FKTN: variants seen among roughly 807,000 people sequenced by gnomAD.
FKTN encodes the protein fukutin.
FKTN carries 47 observed loss-of-function variants against 58.6 expected under a neutral mutation model. The ratio of observed to expected loss-of-function variants is 0.80; its 90% CI spans 0.63 to 1.02. The LOEUF (loss-of-function observed/expected upper bound fraction) is 1.02, where lower values mean the gene tolerates loss of function less well. FKTN is among the 50% of genes least tolerant of loss of function. FKTN has a pLI of 0.00. For missense variants in FKTN, 516 were observed against 537.3 expected, an observed-to-expected ratio of 0.96 and a Z score of 0.39; for synonymous variants, 178 against 191.9, an observed-to-expected ratio of 0.93 and a Z score of 0.60.
intron 4 of FKTN, 61 bp downstream of exon 4, chr9:105,596,718 C>A: frequency 8.4e-7 from 1 of 1,184,240 alleles, no homozygotes; most frequent in South Asian, 1.2e-5. Context: ...TTCATTTACT[C>A]CGTAAGTATT....
intron 4 of FKTN, among the ~76,000 whole-genome samples, chr9:105,599,490 T>TA (rs1827453275): frequency 6.7e-6 from 1 of 149,218 alleles, no homozygotes; most frequent in Non-Finnish European, 1.5e-5. Flanking sequence ...TTTTTTTTTT[T>TA]TTTGAGATGA....
At position 105,607,828 on chromosome 9, in the gene FKTN, A is replaced by C. The variant is rs1829180114; in HGVS notation, c.657A>C (p.Leu219Phe). 4 of 1,612,764 alleles carry C rather than the reference A, an allele frequency of 2.5e-6. No homozygotes were observed. Among genetic ancestry groups the C allele is most frequent in the Non-Finnish European group, 3.4e-6 (4 of 1,179,326 alleles). ...RYPGAFDRPE[L>F]QQVTVDGLEV... ...TAACTTTTGTTTTCAGGCCAGAGTT[A>C]CAGCAAGTTACTGTTGATGGACTGG... The change falls in exon 7 of 11, where the codon TTA becomes TTC. Residue 219 changes from leucine (L) to phenylalanine (F), a missense_variant. Coordinates refer to ENST00000357998, the MANE Select transcript of FKTN (RefSeq NM_001079802.2).
At chr9:105,566,826 G>T (rs1304525938) in intron 1 of FKTN, among the ~76,000 whole-genome samples, 1 of 152,064 alleles carries the variant, frequency 6.6e-6, no homozygotes, top group East Asian at 1.9e-4. Context: ...ACCAAAGCCT[G>T]GCAGAGACAT....
At position 105,578,871 on chromosome 9, in the gene FKTN, A is replaced by T. The variant is rs867241308; in HGVS notation, c.105+3734A>T. On this transcript the variant is annotated intron_variant, in intron 3 of 10. Coordinates refer to ENST00000357998, the MANE Select transcript of FKTN (RefSeq NM_001079802.2). ...GAGCCTGTTATTGGTCTATTCAGAG[A>T]TTCAACTTCTTCCTGGTTTAGTCTT... Among the ~76,000 whole-genome samples, 533 of 152,156 alleles carry T rather than the reference A, an allele frequency of 3.5e-3. 4 individuals carry two copies. Among genetic ancestry groups the T allele is most frequent in the African/African-American group, 0.012 (501 of 41,508 alleles).
intron 7 of FKTN, among the ~76,000 whole-genome samples, chr9:105,609,798 A>T (rs1829582817): frequency 6.6e-6 from 1 of 152,114 alleles, no homozygotes; most frequent in Non-Finnish European, 1.5e-5. Flanking sequence ...GATTTATCCC[A>T]TTACTGTTGA....
In FKTN at chr9:105,635,567, G is replaced by A; in HGVS notation, c.*303G>A. On this transcript the variant is annotated 3_prime_UTR_variant, in exon 11 of 11. Transcript: ENST00000357998. ...TTGAGGGAACCCTCCCCCACCCTTT[G>A]AAGAGTTCAAGTTCTGTACAGGTTT... 2 of 1,244,382 alleles carry A rather than the reference G, an allele frequency of 1.6e-6. No individual in the cohort carries two copies. Among genetic ancestry groups the A allele is most frequent in the Non-Finnish European group, 2.0e-6 (2 of 978,052 alleles). The allele number at this position is 1,244,382 out of a possible 1,614,324, so 77.1% of individuals were successfully genotyped here. A position where few individuals can be genotyped will look rare whatever the true frequency, so the allele number is the denominator to read the frequency against.
intron 1 of FKTN, among the ~76,000 whole-genome samples, chr9:105,572,407 G>T (rs1358407434): frequency 6.6e-6 from 1 of 152,166 alleles, no homozygotes; most frequent in African/African-American, 2.4e-5. Flanking sequence ...AGAAAGAGAT[G>T]TAATTACATC....
In FKTN at chr9:105,637,875, C is replaced by A; in HGVS notation, c.*2611C>A. The A allele has an allele frequency of 3.0e-6, 3 of 985,344 alleles. No individual in the cohort carries two copies. Among genetic ancestry groups the A allele is most frequent in the Non-Finnish European group, 3.6e-6 (3 of 829,896 alleles). 61.0% of individuals were successfully genotyped at this position (985,344 alleles called of 1,614,324 possible). On this transcript the variant is annotated 3_prime_UTR_variant, in exon 11 of 11. Coordinates refer to ENST00000357998, the MANE Select transcript of FKTN (RefSeq NM_001079802.2). ...CTGATATCTGGCCCCTGGAATAAAA[C>A]CATAGTTCCTAAAATTGAGCATCCC...
intron 8 of FKTN, among the ~76,000 whole-genome samples, chr9:105,616,507 G>A (rs1830843794): frequency 6.6e-6 from 1 of 152,112 alleles, no homozygotes; most frequent in Non-Finnish European, 1.5e-5. Flanking sequence ...ATCTGTGAGT[G>A]ATTTCTGGGT....
intron 3 of FKTN, among the ~76,000 whole-genome samples, chr9:105,584,291 G>T (rs2132297275): frequency 6.6e-6 from 1 of 152,158 alleles, no homozygotes; most frequent in South Asian, 2.1e-4. Context: ...AATAGTATTT[G>T]TTGTATTGTG....
intron 9 of FKTN, among the ~76,000 whole-genome samples, chr9:105,618,901 CA>C (rs1020046992): frequency 9.2e-5 from 14 of 151,380 alleles, no homozygotes; most frequent in Admixed American, 1.3e-4. Context: ...ACTAAAAATA[CA>C]AAAAAAATTA....
rs1043227892 is a variant in FKTN, at chr9:105,635,183, C to G, written c.1305C>G (p.Asp435Glu). 11 of 1,614,186 alleles carry G rather than the reference C, an allele frequency of 6.8e-6. No individual in the cohort carries two copies. The highest frequency in any genetic ancestry group is 9.3e-6 in the Non-Finnish European group (11 of 1,180,014). Reference sequence around the variant, plus strand: ...GGAAGATTCCTGTAAAGACGTGGGACTGGAAGCGCTCTCCTCCCAATGTGC... The same window carrying G: ...GGAAGATTCCTGTAAAGACGTGGGAGTGGAAGCGCTCTCCTCCCAATGTGC... ...KTWKIPVKTWDWKRSPPNVQP... is the reference protein window; with the variant it reads ...KTWKIPVKTWEWKRSPPNVQP... The change falls in exon 11 of 11, where the codon GAC (aspartate) becomes GAG (glutamate). Residue 435 changes from aspartate to glutamate, a missense_variant. Asp to Glu is a conservative substitution (Grantham distance 45). Transcript: ENST00000357998.
chr9:105,573,243 A>AC (rs1295981380), intron 1 of FKTN, among the ~76,000 whole-genome samples: 1 of 151,824 alleles, frequency 6.6e-6, no homozygotes, highest in African/African-American at 2.4e-5. Context: ...TGTCTCAAAA[A>AC]AAAAAATGCT....
intron 3 of FKTN, among the ~76,000 whole-genome samples, chr9:105,582,008 C>A (rs572457585): frequency 1.3e-5 from 2 of 152,192 alleles, no homozygotes; most frequent in African/African-American, 4.8e-5. Context: ...TGAGGCAATG[C>A]CTCGCCCTGC....
chr9:105,634,956 G>T, intron 10 of FKTN, 95 bp from the exon 11 acceptor site: 1 of 947,182 alleles, frequency 1.1e-6, no homozygotes, highest in South Asian at 1.3e-5. Context: ...TGTAATGGGA[G>T]AGCACTGTCC....
At chr9:105,580,246 A>G (rs1209212216) in intron 3 of FKTN, among the ~76,000 whole-genome samples, 1 of 152,090 alleles carries the variant, frequency 6.6e-6, no homozygotes, top group Non-Finnish European at 1.5e-5. Context: ...TAGTTGACGC[A>G]GTTTCTTCCT....
Position 105,638,639 on chromosome 9 carries a change from C to CA in FKTN, c.*3381dup, listed in dbSNP as rs1564363070. On this transcript the variant is annotated 3_prime_UTR_variant, in exon 11 of 11. Transcript: ENST00000357998. ...TCCCTGGTAGTAGTGGTCTCATTCA[C>CA]AAAAAAGAATAATAGATGTAACTGG... 2.0e-6 allele frequency: 2 copies of CA among 984,896 alleles called. No homozygotes were observed. The highest frequency in any genetic ancestry group is 2.4e-6 in the Non-Finnish European group (2 of 829,718). The allele number at this position is 984,896 out of a possible 1,614,324, so 61.0% of individuals were successfully genotyped here. A position where few individuals can be genotyped will look rare whatever the true frequency, so the allele number is the denominator to read the frequency against.
At chr9:105,605,401 A>C (rs1460616735) in intron 6 of FKTN, among the ~76,000 whole-genome samples, 1 of 152,200 alleles carries the variant, frequency 6.6e-6, no homozygotes, top group East Asian at 1.9e-4. Flanking sequence ...ATTATGAACT[A>C]ATCTTTAAAA....
intron 10 of FKTN, among the ~76,000 whole-genome samples, chr9:105,621,002 T>A (rs865861186): frequency 2.6e-5 from 4 of 152,152 alleles, no homozygotes; most frequent in Admixed American, 2.6e-4. Flanking sequence ...TAAATTACTT[T>A]CTAAGGCTTG....
Sources: gnomAD v4.1 joint callset for allele counts (sites outside exome capture counted in the v4.1 genomes callset) on GRCh38, gnomAD v4.1.1 for gene constraint, MANE v1.5 for transcripts, NCBI Gene and HGNC (gene_info 2026-07-23, HGNC 2026-07-21) for gene names.